The following HSPA12B variants were observed in gnomAD, a reference collection of about 807,000 sequenced individuals.
The protein encoded by HSPA12B is heat shock 70 kDa protein 12B.
In HSPA12B, 54 loss-of-function variants were observed where a neutral mutation model predicts 69.3. The ratio of observed to expected loss-of-function variants is 0.78; its 90% CI spans 0.63 to 0.98. The LOEUF (loss-of-function observed/expected upper bound fraction) is 0.98, where lower values mean the gene tolerates loss of function less well. Among genes scored for constraint, HSPA12B ranks in the 50% least tolerant of loss-of-function variants. The probability of loss-of-function intolerance (pLI) is 0.00; values close to 1 mark genes in which losing one functional copy is unlikely to be tolerated. For synonymous variants in HSPA12B, 441 were observed against 436.5 expected (o/e 1.01, Z -0.13); for missense variants, 929 against 999.8 (o/e 0.93, Z 0.96).
chr20:3,738,857 TGC>T, intron 2 of HSPA12B, 140 bp downstream of exon 2: 23 of 642,894 alleles, frequency 3.6e-5, no homozygotes, highest in Middle Eastern at 3.7e-4. Context: ...TGTGTGTGTG[TGC>T]ATGTGTGCAG....
At chr20:3,741,253 C>T (rs1462787517) in intron 3 of HSPA12B, among the ~76,000 whole-genome samples, 1 of 151,502 alleles carries the variant, frequency 6.6e-6, no homozygotes, top group Non-Finnish European at 1.5e-5. Flanking sequence ...CACTGGGCCT[C>T]TTGTGGACCA....
intron 1 of HSPA12B, among the ~76,000 whole-genome samples, chr20:3,738,168 C>T (rs898323316): frequency 6.6e-6 from 1 of 152,198 alleles, no homozygotes; most frequent in Non-Finnish European, 1.5e-5. Context: ...CTTACCATGT[C>T]CTCTTCCCAC....
intron 1 of HSPA12B, among the ~76,000 whole-genome samples, chr20:3,735,479 T>TC (rs2088095231): frequency 1.4e-5 from 2 of 147,918 alleles, no homozygotes; most frequent in Admixed American, 1.3e-4. Context: ...TTTTTTTTTT[T>TC]CTTGAGATGG....
Position 3,742,297 on chromosome 20 carries a change from G to C in HSPA12B, c.155G>C (p.Arg52Pro). Residue 52 changes from arginine (R) to proline (P), a missense_variant, in exon 4 of 13, where the codon CGA becomes CCA. This residue lies in a region of HSPA12B where 477 missense variants were observed against 535.2 expected (regional missense o/e 0.89). Transcript: ENST00000254963. ...TTGCACTTGCAGAAACCCGAGGTCCGAGCCCCCCAGCAGGCCTCCTTCTCT... is the reference window on the plus strand; with the variant it reads ...TTGCACTTGCAGAAACCCGAGGTCCCAGCCCCCCAGCAGGCCTCCTTCTCT... ...TPSQSPKPEVRAPQQASFSVV... is the reference protein window; with the variant it reads ...TPSQSPKPEVPAPQQASFSVV... The C allele has an allele frequency of 6.2e-7, 1 of 1,613,916 alleles. No homozygotes were observed. The highest frequency in any genetic ancestry group is 8.5e-7 in the Non-Finnish European group (1 of 1,179,850).
Position 3,749,180 on chromosome 20 carries a change from T to A in HSPA12B, c.851-52T>A. Reference sequence around the variant, plus strand: ...GCAGGAGGATGGGAGTTGAACGCCATAGCTGGAGCACCTCCTTCTAATCTC... The same window carrying A: ...GCAGGAGGATGGGAGTTGAACGCCAAAGCTGGAGCACCTCCTTCTAATCTC... On this transcript the variant is annotated intron_variant, in intron 8 of 12. Transcript: ENST00000254963. This position sits in a 1 kb window ranked among gnomAD's most constrained non-coding sequence, Gnocchi z 5.5. 2.6e-6 allele frequency: 4 copies of A among 1,529,730 alleles called. No homozygotes were observed. Among genetic ancestry groups the A allele is most frequent in the Non-Finnish European group, 3.6e-6 (4 of 1,114,478 alleles). The allele number at this position is 1,529,730 out of a possible 1,614,324, so 94.8% of individuals were successfully genotyped here. A position where few individuals can be genotyped will look rare whatever the true frequency, so the allele number is the denominator to read the frequency against.
At position 3,745,765 on chromosome 20, in the gene HSPA12B, C is replaced by A. The variant is rs998839845; in HGVS notation, c.559-150C>A. The A allele has an allele frequency of 1.3e-5, 12 of 930,172 alleles. No individual in the cohort carries two copies. In the African/African-American group the frequency reaches 1.9e-4, roughly 15 times the overall value. The allele number at this position is 930,172 out of a possible 1,614,324, so 57.6% of individuals were successfully genotyped here. A position where few individuals can be genotyped will look rare whatever the true frequency, so the allele number is the denominator to read the frequency against. ...CCCTTTTTGTCTGGTAGAGCCTGCA[C>A]CAAGCCATACTGATGGGAGGGGGGC... On this transcript the variant is annotated intron_variant, in intron 6 of 12. Transcript: ENST00000254963. This position sits in a 1 kb window ranked among gnomAD's most constrained non-coding sequence, Gnocchi z 5.6.
rs1281771679 is a variant in HSPA12B at position 3,749,468 on chromosome 20, A to G, written c.937+150A>G. 1.8e-5 allele frequency: 13 copies of G among 739,374 alleles called. No individual in the cohort carries two copies. Among genetic ancestry groups the G allele is most frequent in the Admixed American group, 4.8e-5 (2 of 41,306 alleles). The allele number at this position is 739,374 out of a possible 1,614,324, so 45.8% of individuals were successfully genotyped here. A position where few individuals can be genotyped will look rare whatever the true frequency, so the allele number is the denominator to read the frequency against. ...TCCCCTCACAGTCACCCGCACCCCCACCCCACTCACAGCGGCGCCCCTAAC... is the reference window on the plus strand; with the variant it reads ...TCCCCTCACAGTCACCCGCACCCCCGCCCCACTCACAGCGGCGCCCCTAAC... On this transcript the variant is annotated intron_variant, in intron 9 of 12. Transcript: ENST00000254963. This position sits in a 1 kb window ranked among gnomAD's most constrained non-coding sequence, Gnocchi z 5.5.
Position 3,745,536 on chromosome 20 carries a change from C to T in HSPA12B, c.497C>T (p.Thr166Met). The change falls in exon 6 of 13, where the codon ACG (threonine) becomes ATG (methionine). Residue 166 changes from threonine to methionine, a missense_variant. Transcript: ENST00000254963. The surrounding 1 kb of genome is among the most constrained non-coding windows in gnomAD (Gnocchi z 5.6). ...KTQLEAVNGK[T>M]MPALEVFAHA... ...CAGCTAGAGGCAGTAAATGGAAAGA[C>T]GATGCCCGCCCTGGAGGTGTTCGCC... 6.2e-7 allele frequency: 1 copy of T among 1,614,158 alleles called. No homozygotes were observed. The highest frequency in any genetic ancestry group is 8.5e-7 in the Non-Finnish European group (1 of 1,180,026).
Position 3,749,240 on chromosome 20 carries a change from C to T in HSPA12B, c.859C>T (p.Gln287Ter), listed in dbSNP as rs1331414319. ...TGTCTCCTGACCCCCAGCTCGGGAG[C>T]AGCTGCGAAGGTCCCGCCACAGCCG... ...IDSSFRQARE[Q>*]LRRSRHSRTF... is the part of the protein sequence containing the mutation. The change falls in exon 9 of 13, where the codon CAG (glutamine) becomes TAG (stop). Residue 287 changes from glutamine (Q) to a stop codon, truncating the protein, a stop_gained. Coordinates refer to ENST00000254963, the MANE Select transcript of HSPA12B (RefSeq NM_052970.5). LOFTEE classifies it high-confidence loss of function. This position sits in a 1 kb window ranked among gnomAD's most constrained non-coding sequence, Gnocchi z 5.5. The T allele has an allele frequency of 6.2e-7, 1 of 1,612,822 alleles. No homozygotes were observed. Among genetic ancestry groups the T allele is most frequent in the South Asian group, 1.1e-5 (1 of 90,892 alleles).
chr20:3,750,231 GGT>G lies in HSPA12B; in HGVS notation c.1301+5_1301+6del, dbSNP rs1568479893. On this transcript the variant is annotated splice_donor_5th_base_variant and intron_variant, in intron 11 of 12. Transcript: ENST00000254963. ...AGACCGCTCTGCGCAGGAGCAGGTG[GGT>G]CCTGAGCCCGCGGGCTCAGGCAGGG... The G allele has an allele frequency of 1.3e-6, 2 of 1,584,548 alleles. No individual in the cohort carries two copies. The highest frequency in any genetic ancestry group is 1.7e-6 in the Non-Finnish European group (2 of 1,160,212).
chr20:3,750,368 G>C, intron 11 of HSPA12B, 141 bp downstream of exon 11: 1 of 964,784 alleles, frequency 1.0e-6, no homozygotes, highest in Non-Finnish European at 1.5e-6. Flanking sequence ...GCGTCGGGGT[G>C]GGGCGGCGGG....
Position 3,737,222 on chromosome 20 carries a change from A to T in HSPA12B, c.-17-1436A>T, listed in dbSNP as rs929540809. ...CCTCAGCCCACACTTTGAGTAACAA[A>T]GCTGTTGATGGTTTGAAATATCCTG... On this transcript the variant is annotated intron_variant, in intron 1 of 12. Coordinates refer to ENST00000254963, the MANE Select transcript of HSPA12B (RefSeq NM_052970.5). This position sits in a 1 kb window ranked among gnomAD's most constrained non-coding sequence, Gnocchi z 4.1. Among the ~76,000 whole-genome samples the T allele has an allele frequency of 1.3e-5, 2 of 152,200 alleles. No homozygotes were observed. Among genetic ancestry groups the T allele is most frequent in the African/African-American group, 4.8e-5 (2 of 41,444 alleles).
rs763938218 is a variant in HSPA12B, at chr20:3,742,333, C to G, written c.191C>G (p.Ala64Gly). 4 of 1,614,010 alleles carry G rather than the reference C, an allele frequency of 2.5e-6. No homozygotes were observed. In the East Asian group the frequency reaches 6.7e-5, roughly 27 times the overall value. ...PQQASFSVVV[A>G]IDFGTTSSGY... ...CAGGCCTCCTTCTCTGTGGTGGTGG[C>G]CATTGACTTCGGCACCACGTCTAGT... The change falls in exon 4 of 13, where the codon GCC becomes GGC. Residue 64 changes from alanine (A) to glycine (G), a missense_variant. By Grantham distance (60) the Ala-to-Gly change is moderately conservative. Around this residue, in one of 3 missense-constraint regions of HSPA12B, gnomAD observed 477 missense variants for 535.2 expected, o/e 0.89. Transcript: ENST00000254963.
At position 3,752,680 on chromosome 20, in the gene HSPA12B, AG is replaced by A; in HGVS notation, c.*516del. 6.4e-6 allele frequency: 1 copy of A among 156,316 alleles called. No individual in the cohort carries two copies. Among genetic ancestry groups the A allele is most frequent in the Non-Finnish European group, 1.4e-5 (1 of 69,852 alleles). The allele number at this position is 156,316 out of a possible 1,614,324, so 9.7% of individuals were successfully genotyped here. A position where few individuals can be genotyped will look rare whatever the true frequency, so the allele number is the denominator to read the frequency against. ...GACTGGAAGTGGACTCCAGAGGGAC[AG>A]GTGTGGTGGCACAGTCCTGGTGTGG... is the stretch of plus-strand genomic sequence containing the variant. On this transcript the variant is annotated 3_prime_UTR_variant, in exon 13 of 13. Transcript: ENST00000254963.
At chr20:3,748,976 C>T (rs2088359120) in intron 8 of HSPA12B, among the ~76,000 whole-genome samples, 1 of 152,194 alleles carries the variant, frequency 6.6e-6, no homozygotes, top group Non-Finnish European at 1.5e-5. Flanking sequence ...CCCTCTAACC[C>T]TGATTTTGCC....
At chr20:3,750,944 A>C in intron 12 of HSPA12B, 37 bp downstream of exon 12, 2 of 1,539,514 alleles carry the variant, frequency 1.3e-6, no homozygotes, top group Non-Finnish European at 9.0e-7. Context: ...CCGCCCCTAC[A>C]TGAACAAACA....
Position 3,751,798 on chromosome 20 carries a change from G to T in HSPA12B, c.1693G>T (p.Asp565Tyr). 6.5e-7 allele frequency: 1 copy of T among 1,528,584 alleles called. No homozygotes were observed. 94.7% of individuals were successfully genotyped at this position (1,528,584 alleles called of 1,614,324 possible). A position where few individuals can be genotyped will look rare whatever the true frequency, so the allele number is the denominator to read the frequency against. ...CCCGCCCGAAAAGCTGCTGGTTCGC[G>T]ACGGCCGCCGCTGGTGCACCGACGT... ...RHPPEKLLVR[D>Y]GRRWCTDVFE... The change falls in exon 13 of 13, where the codon GAC becomes TAC. Residue 565 changes from aspartate (D) to tyrosine (Y), a missense_variant. Physicochemically the swap from Asp to Tyr is radical, Grantham distance 160. Around this residue, in one of 3 missense-constraint regions of HSPA12B, gnomAD observed 448 missense variants for 448.1 expected, o/e 1.00. Coordinates refer to ENST00000254963, the MANE Select transcript of HSPA12B (RefSeq NM_052970.5).
chr20:3,738,837 AGTGAGT>A lies in HSPA12B; in HGVS notation c.43+124_43+129del, dbSNP rs1256813628. 3.3e-4 allele frequency: 331 copies of A among 989,086 alleles called. 2 individuals are homozygous for A. Among genetic ancestry groups the A allele is most frequent in the South Asian group, 1.9e-3 (137 of 73,554 alleles). 61.3% of individuals were successfully genotyped at this position (989,086 alleles called of 1,614,324 possible). ...AGAGCTTCCCAACAGCTCTTCTGTGAGTGAGTGTGTGTGTGTGTGTGCATGTGTGCA... is the reference window on the plus strand; with the variant it reads ...AGAGCTTCCCAACAGCTCTTCTGTGAGTGTGTGTGTGTGTGCATGTGTGCA... On this transcript the variant is annotated intron_variant, in intron 2 of 12. Coordinates refer to ENST00000254963, the MANE Select transcript of HSPA12B (RefSeq NM_052970.5).
chr20:3,742,750 T>C (rs1219729785), intron 4 of HSPA12B, among the ~76,000 whole-genome samples: 1 of 151,324 alleles, frequency 6.6e-6, no homozygotes, highest in African/African-American at 2.4e-5. Context: ...TAGGCTGGAG[T>C]GCAAAGGCAC....
Sources: allele counts gnomAD v4.1 joint callset (sites outside exome capture counted in the v4.1 genomes callset), GRCh38; gene constraint gnomAD v4.1.1; regional missense constraint gnomAD v4.1.1; non-coding constraint Gnocchi (gnomAD v3.1); transcripts MANE v1.5; gene names NCBI Gene and HGNC (gene_info 2026-07-23, HGNC 2026-07-21).